The following CUX2 variants were observed in gnomAD, a reference collection of about 807,000 sequenced individuals.
The protein encoded by CUX2 is homeobox protein cut-like 2.
In CUX2, 40 loss-of-function variants were observed where a neutral mutation model predicts 144.8. The ratio of observed to expected loss-of-function variants is 0.28; its 90% CI spans 0.21 to 0.36. The LOEUF is 0.36. CUX2 is among the 10% of genes least tolerant of loss of function. The probability of loss-of-function intolerance (pLI) is 1.00; values close to 1 mark genes in which losing one functional copy is unlikely to be tolerated. For missense variants in CUX2, 1,615 were observed against 1,994.0 expected (o/e 0.81, Z 3.62); for synonymous variants, 827 against 875.6 (o/e 0.94, Z 0.98).
intron 3 of CUX2, among the ~76,000 whole-genome samples, chr12:111,261,336 C>T (rs1403932176): frequency 2.6e-5 from 4 of 152,304 alleles, no homozygotes; most frequent in South Asian, 2.1e-4. Flanking sequence ...ACACAGTAAA[C>T]GGTCGATGCC....
chr12:111,148,604 A>G (rs1312052082), intron 1 of CUX2, among the ~76,000 whole-genome samples: 1 of 152,218 alleles, frequency 6.6e-6, no homozygotes, highest in Non-Finnish European at 1.5e-5. Flanking sequence ...TATTAATACT[A>G]TGTTACTGCC....
intron 2 of CUX2, among the ~76,000 whole-genome samples, chr12:111,214,530 A>G (rs535000273): frequency 6.6e-6 from 1 of 152,282 alleles, no homozygotes; most frequent in South Asian, 2.1e-4. Flanking sequence ...CATCAACGTC[A>G]TTGTTTTTTG....
At chr12:111,219,002 G>C (rs1881703202) in intron 3 of CUX2, among the ~76,000 whole-genome samples, 1 of 152,090 alleles carries the variant, frequency 6.6e-6, no homozygotes, top group African/African-American at 2.4e-5. Context: ...GTTCCATCTT[G>C]AGGGGGCTCT....
chr12:111,165,932 C>T (rs554895858), intron 1 of CUX2, among the ~76,000 whole-genome samples: 3 of 152,036 alleles, frequency 2.0e-5, no homozygotes, highest in Non-Finnish European at 4.4e-5. Flanking sequence ...TTACTAATTA[C>T]GATTATATTA....
intron 1 of CUX2, among the ~76,000 whole-genome samples, chr12:111,082,081 G>A (rs558293561): frequency 6.6e-6 from 1 of 152,282 alleles, no homozygotes; most frequent in South Asian, 2.1e-4. Flanking sequence ...AGGATTTTAG[G>A]TTTTCAGCAT....
intron 4 of CUX2, among the ~76,000 whole-genome samples, chr12:111,279,385 G>T (rs77858937): frequency 0.018 from 2,690 of 152,278 alleles, 142 homozygotes; most frequent in East Asian, 0.17. Context: ...TTTGAATTGT[G>T]TCCTCCAGAA....
chr12:111,256,091 C>T (rs1883802621), intron 3 of CUX2, among the ~76,000 whole-genome samples: 1 of 152,074 alleles, frequency 6.6e-6, no homozygotes, highest in Non-Finnish European at 1.5e-5. Flanking sequence ...TACATCTGAG[C>T]AAGTCTCGGC....
chr12:111,320,333 T>C lies in CUX2; in HGVS notation c.2324T>C (p.Val775Ala). 2 of 1,598,028 alleles carry C rather than the reference T, an allele frequency of 1.3e-6. No homozygotes were observed. The highest frequency in any genetic ancestry group is 1.7e-5 in the Admixed American group (1 of 59,968). Residue 775 changes from valine (V) to alanine (A), a missense_variant, in exon 17 of 22, where the codon GTC becomes GCC. By Grantham distance (64) the Val-to-Ala change is moderately conservative. This residue lies in a region of CUX2 where 390 missense variants were observed against 387.1 expected (regional missense o/e 1.01). Transcript: ENST00000261726. The surrounding 1 kb of genome is among the most constrained non-coding windows in gnomAD (Gnocchi z 8.1). ...AAFVQSIIRK[V>A]KSEIGDAGYF... ...TTCGTGCAGAGCATCATCCGCAAGG[T>C]CAAGTCCGAGATCGGCGACGCCGGC... is the stretch of plus-strand genomic sequence containing the variant.
chr12:111,306,972 G>C lies in CUX2; in HGVS notation c.910G>C (p.Ala304Pro). The part of the protein sequence containing the change: ...CSGPRLEAAL[A>P]SKDREILRLL... The stretch of plus-strand genomic sequence containing the variant: ...GGGCCCTCGGCTGGAGGCCGCGCTG[G>C]CCTCCAAGGACAGGGAGATCCTGCG... Residue 304 changes from alanine to proline, a missense_variant, in exon 11 of 22, where the codon GCC becomes CCC. Around this residue, in one of 12 missense-constraint regions of CUX2, gnomAD observed 295 missense variants for 400.2 expected, o/e 0.74. Transcript: ENST00000261726. The C allele has an allele frequency of 6.2e-7, 1 of 1,613,494 alleles. No individual in the cohort carries two copies. The highest frequency in any genetic ancestry group is 8.5e-7 in the Non-Finnish European group (1 of 1,179,766).
rs1884939664 is a variant in CUX2 at position 111,277,611 on chromosome 12, A to T, written c.301+13772A>T. On this transcript the variant is annotated intron_variant, in intron 4 of 21. Transcript: ENST00000261726. This position sits in a 1 kb window ranked among gnomAD's most constrained non-coding sequence, Gnocchi z 5.0. The stretch of plus-strand genomic sequence containing the variant: ...TTGCCTCACCCATCCTTTGTCCATC[A>T]TTCCCTCTAGAGTGTCAGCCCCAGG... 6.6e-6 allele frequency among the ~76,000 whole-genome samples: 1 copy of T among 152,012 alleles called. No homozygotes were observed. The highest frequency in any genetic ancestry group is 1.9e-4 in the East Asian group (1 of 5,162).
chr12:111,089,243 A>C (rs1872418859), intron 1 of CUX2, among the ~76,000 whole-genome samples: 1 of 152,230 alleles, frequency 6.6e-6, no homozygotes, highest in African/African-American at 2.4e-5. Context: ...GGCCAAGTCC[A>C]GCAGCGCTGG....
chr12:111,235,484 A>G (rs1882695193), intron 3 of CUX2, among the ~76,000 whole-genome samples: 1 of 152,118 alleles, frequency 6.6e-6, no homozygotes. Context: ...GCACTTTGGG[A>G]GGCTGAGGCT....
At chr12:111,081,337 G>A (rs931596939) in intron 1 of CUX2, among the ~76,000 whole-genome samples, 3 of 152,096 alleles carry the variant, frequency 2.0e-5, no homozygotes, top group African/African-American at 7.2e-5. Context: ...TTTGGGAGGG[G>A]AAGACCAGTG....
At position 111,255,696 on chromosome 12, in the gene CUX2, G is replaced by A. The variant is rs369764638; in HGVS notation, c.223-8065G>A. ...TCTGTTAAATGGGATAGTCACACCC[G>A]CAGCGTGATGAGGGTTAAGCTAATG... On this transcript the variant is annotated intron_variant, in intron 3 of 21. Transcript: ENST00000261726. This position sits in a 1 kb window ranked among gnomAD's most constrained non-coding sequence, Gnocchi z 4.1. Among the ~76,000 whole-genome samples, 2 of 152,290 alleles carry A rather than the reference G, an allele frequency of 1.3e-5. No homozygotes were observed. The highest frequency in any genetic ancestry group is 1.9e-4 in the East Asian group (1 of 5,192).
chr12:111,160,916 A>G lies in CUX2; in HGVS notation c.64-53284A>G, dbSNP rs1877718369. ...TGCCATGGGGAAGATGCAGGGAGGA[A>G]TAGCGGGAGCAGATGGGACGTGAGA... On this transcript the variant is annotated intron_variant, in intron 1 of 21. Transcript: ENST00000261726. The surrounding 1 kb of genome is among the most constrained non-coding windows in gnomAD (Gnocchi z 4.1). 6.6e-6 allele frequency among the ~76,000 whole-genome samples: 1 copy of G among 152,154 alleles called. No individual in the cohort carries two copies. Among genetic ancestry groups the G allele is most frequent in the Non-Finnish European group, 1.5e-5 (1 of 68,002 alleles).
In CUX2 at chr12:111,050,611, C is replaced by T. The variant is rs940904578; in HGVS notation, c.63+16371C>T. ...TGATTACCTCCCTCTCCTGTATGCC[C>T]CCTATGTCCAGTTCATCACTAAATC... On this transcript the variant is annotated intron_variant, in intron 1 of 21. Transcript: ENST00000261726. 2.0e-5 allele frequency among the ~76,000 whole-genome samples: 3 copies of T among 152,072 alleles called. No homozygotes were observed. In the East Asian group the frequency reaches 5.8e-4, roughly 29 times the overall value.
At chr12:111,343,404 T>C (rs1426715414) in intron 21 of CUX2, among the ~76,000 whole-genome samples, 1 of 152,006 alleles carries the variant, frequency 6.6e-6, no homozygotes, top group African/African-American at 2.4e-5. Flanking sequence ...TCAAGGACCA[T>C]CTCTGAGGAA....
At position 111,308,452 on chromosome 12, in the gene CUX2, T is replaced by A; in HGVS notation, c.1184T>A (p.Leu395Gln). The A allele has an allele frequency of 6.2e-7, 1 of 1,614,156 alleles. No individual in the cohort carries two copies. Among genetic ancestry groups the A allele is most frequent in the Non-Finnish European group, 8.5e-7 (1 of 1,180,016 alleles). ...GGCATGGCCAAGCCTGAAGACTCAC[T>A]GCTTATTGCAAAGGAGGCCTTCTTC... ...PQGMAKPEDS[L>Q]LIAKEAFFPT... The change falls in exon 14 of 22, where the codon CTG becomes CAG. Residue 395 changes from leucine (L) to glutamine (Q), a missense_variant. This residue lies in a region of CUX2 where 57 missense variants were observed against 60.8 expected (regional missense o/e 0.94). Coordinates refer to ENST00000261726, the MANE Select transcript of CUX2 (RefSeq NM_015267.4).
chr12:111,333,454 G>A (rs1888206334), intron 18 of CUX2, among the ~76,000 whole-genome samples: 1 of 152,150 alleles, frequency 6.6e-6, no homozygotes, highest in Admixed American at 6.6e-5. Flanking sequence ...GATCACTTGT[G>A]TTTAGTTTTC....
Sources: allele counts gnomAD v4.1 joint callset (sites outside exome capture counted in the v4.1 genomes callset), GRCh38; gene constraint gnomAD v4.1.1; regional missense constraint gnomAD v4.1.1; non-coding constraint Gnocchi (gnomAD v3.1); transcripts MANE v1.5; gene names NCBI Gene and HGNC (gene_info 2026-07-23, HGNC 2026-07-21).